Variants in CELF2 observed in about 807,000 individuals in gnomAD.
CELF2 encodes the protein CUG triplet repeat RNA-binding protein 2.
CELF2 carries 8 observed loss-of-function variants against 62.6 expected under a neutral mutation model. The ratio of observed to expected loss-of-function variants is 0.13; its 90% CI spans 0.07 to 0.23. CELF2 has a LOEUF of 0.23. Among genes scored for constraint, CELF2 ranks in the 10% least tolerant of loss-of-function variants. The pLI, the probability that CELF2 is intolerant of heterozygous loss-of-function variation, is 1.00. For missense variants in CELF2, 333 were observed against 671.0 expected (o/e 0.50, Z 5.56); for synonymous variants, 258 against 250.0 (o/e 1.03, Z -0.30).
At chr10:11,221,456 A>T (rs1404356575) in intron 3 of CELF2, among the ~76,000 whole-genome samples, 2 of 152,222 alleles carry the variant, frequency 1.3e-5, no homozygotes. Context: ...AACTACCAAG[A>T]TCTTTTCAAT....
chr10:11,179,193 T>C (rs573421668), intron 2 of CELF2, among the ~76,000 whole-genome samples: 13 of 152,328 alleles, frequency 8.5e-5, no homozygotes, highest in African/African-American at 3.1e-4. Context: ...GCCCTAATAT[T>C]GTAAATGGAG....
intron 2 of CELF2, among the ~76,000 whole-genome samples, chr10:11,176,015 C>T (rs550828885): frequency 3.9e-5 from 6 of 152,234 alleles, no homozygotes; most frequent in African/African-American, 1.2e-4. Context: ...TGTTCTTGTG[C>T]GCGTGTGTTT....
chr10:11,196,971 AAGAAAG>A (rs1163365710), intron 2 of CELF2, among the ~76,000 whole-genome samples: 1 of 106,724 alleles, frequency 9.4e-6, no homozygotes, highest in Non-Finnish European at 2.1e-5. Flanking sequence ...AAGAAAAAGA[AAGAAAG>A]AGAGAAAGAA....
the CELF2 span, among the ~76,000 whole-genome samples, chr10:10,486,731 G>A: frequency 6.6e-6 from 1 of 152,118 alleles, no homozygotes; most frequent in Non-Finnish European, 1.5e-5. Context: ...GATTTAGAAT[G>A]CTCAACCTAT....
chr10:10,726,768 T>G, the CELF2 span, among the ~76,000 whole-genome samples: 12 of 152,226 alleles, frequency 7.9e-5, no homozygotes, highest in Non-Finnish European at 1.8e-4. Flanking sequence ...TGATGCTATA[T>G]GTACTATGAT....
At chr10:10,795,970 C>A (rs2054116367), upstream of CELF2, among the ~76,000 whole-genome samples, 2 of 152,100 alleles carry the variant, frequency 1.3e-5, no homozygotes, top group Non-Finnish European at 2.9e-5. Context: ...CCATCCCCAC[C>A]CCAGTGTCTG....
chr10:10,790,260 G>A, the CELF2 span, among the ~76,000 whole-genome samples: 172 of 151,766 alleles, frequency 1.1e-3, no homozygotes, highest in African/African-American at 3.5e-3. Context: ...TTATATTCCC[G>A]TTATGTATTT....
the CELF2 span, among the ~76,000 whole-genome samples, chr10:10,642,879 G>A: frequency 6.6e-6 from 1 of 152,204 alleles, no homozygotes; most frequent in Non-Finnish European, 1.5e-5. Flanking sequence ...ATATCTGCAG[G>A]CCTGGCCTGC....
At chr10:10,615,965 G>A in the CELF2 span, among the ~76,000 whole-genome samples, 16 of 152,132 alleles carry the variant, frequency 1.1e-4, no homozygotes, top group African/African-American at 4.8e-5. Context: ...GAAAGCCTGT[G>A]TATTATATAA....
chr10:10,616,516 T>A, the CELF2 span, among the ~76,000 whole-genome samples: 1 of 152,052 alleles, frequency 6.6e-6, no homozygotes, highest in Non-Finnish European at 1.5e-5. Flanking sequence ...TCGTTGGATG[T>A]ATAAATGGGA....
rs568370725 is a variant in CELF2, at chr10:11,178,940, C to G, written c.271+13258C>G. Among the ~76,000 whole-genome samples, 1 of 152,184 alleles carries G rather than the reference C, an allele frequency of 6.6e-6. No individual in the cohort carries two copies. Among genetic ancestry groups the G allele is most frequent in the African/African-American group, 2.4e-5 (1 of 41,434 alleles). On this transcript the variant is annotated intron_variant, in intron 2 of 12. Coordinates refer to ENST00000633077, the MANE Select transcript of CELF2 (RefSeq NM_001326342.2). This position sits in a 1 kb window ranked among gnomAD's most constrained non-coding sequence, Gnocchi z 4.3. ...TTAGAACACTTCAAAGTCAGGAAAC[C>G]GTTAAACCACACTGCATCCTCTCTT...
chr10:10,719,334 C>T, the CELF2 span, among the ~76,000 whole-genome samples: 4 of 152,294 alleles, frequency 2.6e-5, no homozygotes, highest in East Asian at 7.7e-4. Flanking sequence ...TCATAGCTCA[C>T]TGCGGCCTCA....
intron 4 of CELF2, among the ~76,000 whole-genome samples, chr10:11,256,342 G>A (rs539841419): frequency 2.6e-5 from 4 of 152,292 alleles, no homozygotes; most frequent in Admixed American, 2.0e-4. Flanking sequence ...GTGCTTTAGC[G>A]TCCAGAAGGA....
the CELF2 span, among the ~76,000 whole-genome samples, chr10:10,782,160 A>G: frequency 3.9e-5 from 6 of 152,188 alleles, no homozygotes; most frequent in African/African-American, 1.4e-4. Context: ...CCAAGGGACA[A>G]CTGTATATAG....
intron 1 of CELF2, among the ~76,000 whole-genome samples, chr10:11,097,034 T>C (rs752761518): frequency 1.3e-5 from 2 of 152,226 alleles, no homozygotes; most frequent in Admixed American, 6.5e-5. Flanking sequence ...GAAGAGTTTT[T>C]ATCCCTGATT....
the CELF2 span, among the ~76,000 whole-genome samples, chr10:10,734,799 C>T: frequency 6.6e-6 from 1 of 152,256 alleles, no homozygotes; most frequent in Non-Finnish European, 1.5e-5. Flanking sequence ...TCCCAGTTTG[C>T]CCAGGACAGT....
the CELF2 span, among the ~76,000 whole-genome samples, chr10:10,642,453 G>T: frequency 1.3e-5 from 2 of 152,220 alleles, no homozygotes. Flanking sequence ...CGAGGAGGTT[G>T]TCTTTTTAGC....
the CELF2 span, among the ~76,000 whole-genome samples, chr10:10,697,822 C>T: frequency 6.6e-6 from 1 of 152,178 alleles, no homozygotes; most frequent in Non-Finnish European, 1.5e-5. Flanking sequence ...GGGTCTTGCT[C>T]TGTCACCCAG....
chr10:10,519,843 G>A, the CELF2 span, among the ~76,000 whole-genome samples: 1 of 152,212 alleles, frequency 6.6e-6, no homozygotes, highest in East Asian at 1.9e-4. Context: ...TGTCTCCCTT[G>A]TTATTCAAAG....
Sources: gnomAD v4.1 joint callset for allele counts (sites outside exome capture counted in the v4.1 genomes callset) on GRCh38, gnomAD v4.1.1 for gene constraint, Gnocchi (gnomAD v3.1) non-coding constraint, MANE v1.5 for transcripts, NCBI Gene and HGNC (gene_info 2026-07-23, HGNC 2026-07-21) for gene names.